Variants in AIM2 observed in about 807,000 individuals in gnomAD.
AIM2 encodes absent in melanoma 2, also known as interferon-inducible protein AIM2.
AIM2 carries 30 observed loss-of-function variants against 27.7 expected under a neutral mutation model. The observed-to-expected ratio is 1.08, with a 90% CI of 0.81 to 1.47. AIM2 has a LOEUF of 1.47. Among genes scored for constraint, AIM2 ranks in the 40% most tolerant of loss-of-function variants. The pLI, the probability that AIM2 is intolerant of heterozygous loss-of-function variation, is 0.00. For synonymous variants in AIM2, 141 were observed against 145.3 expected (o/e 0.97, Z 0.21); for missense variants, 358 against 411.3 (o/e 0.87, Z 1.12).
Position 159,073,488 on chromosome 1 carries a change from T to G in AIM2, c.12A>C (p.Lys4Asn). The G allele has an allele frequency of 1.2e-6, 2 of 1,613,772 alleles. No individual in the cohort carries two copies. The highest frequency in any genetic ancestry group is 1.7e-6 in the Non-Finnish European group (2 of 1,179,768). The stretch of plus-strand genomic sequence containing the variant: ...CTGTTAGCAAGAGTATCTCCTTGTA[T>G]TTACTCTCCATCTGACAACTTTGGG... MES[K>N]YKEILLLTGL... Residue 4 changes from lysine (K) to asparagine (N), a missense_variant, in exon 2 of 6, where the codon AAA (lysine) becomes AAC (asparagine). Lys to Asn is a moderately conservative substitution (Grantham distance 94). Transcript: ENST00000368130.
At chr1:159,085,950 ATTAACT>A (rs944826843) in intron 1 of AIM2, among the ~76,000 whole-genome samples, 24 of 152,356 alleles carry the variant, frequency 1.6e-4, no homozygotes, top group African/African-American at 5.8e-4. Flanking sequence ...AGACATGTTT[ATTAACT>A]TTATCATTTC....
chr1:159,098,834 C>T (rs544130298), intron 1 of AIM2, among the ~76,000 whole-genome samples: 6 of 152,038 alleles, frequency 3.9e-5, no homozygotes, highest in South Asian at 2.1e-4. Flanking sequence ...GGAGCTTTAG[C>T]GGAGGAAGAT....
chr1:159,080,619 G>A (rs867223529), upstream of AIM2, among the ~76,000 whole-genome samples: 2 of 152,070 alleles, frequency 1.3e-5, no homozygotes, highest in Admixed American at 6.6e-5. Context: ...TGAAAAATAC[G>A]GATTTTAGGC....
At chr1:159,140,870 A>G (rs1419950742), upstream of AIM2, among the ~76,000 whole-genome samples, 1 of 152,224 alleles carries the variant, frequency 6.6e-6, no homozygotes, top group South Asian at 2.1e-4. Flanking sequence ...ATTCAGATAC[A>G]ACACTTGAAG....
At chr1:159,105,710 G>A (rs1283874825) in intron 1 of AIM2, among the ~76,000 whole-genome samples, 1 of 152,178 alleles carries the variant, frequency 6.6e-6, no homozygotes, top group African/African-American at 2.4e-5. Flanking sequence ...CCCGAATTGG[G>A]TAGCTCCTTC....
At chr1:159,073,633 T>A in intron 1 of AIM2, 114 bp from the exon 2 acceptor site, 1 of 1,091,606 alleles carries the variant, frequency 9.2e-7, no homozygotes, top group Non-Finnish European at 1.3e-6. Flanking sequence ...TTTGCAGTAG[T>A]AAAAGAGATT....
At chr1:159,058,627 G>A (rs144448869), downstream of AIM2, among the ~76,000 whole-genome samples, 2,688 of 152,230 alleles carry the variant, frequency 0.018, 41 homozygotes, top group Admixed American at 0.028. Context: ...TCAGAAGTCT[G>A]AGGATGAAAG....
At chr1:159,115,829 A>C (rs1647326135) in intron 1 of AIM2, among the ~76,000 whole-genome samples, 13 of 152,144 alleles carry the variant, frequency 8.5e-5, no homozygotes, top group Admixed American at 8.5e-4. Flanking sequence ...AAAATTGACA[A>C]ATGGGATCTA....
At chr1:159,132,550 C>A (rs374685537) in intron 1 of AIM2, among the ~76,000 whole-genome samples, 1 of 152,114 alleles carries the variant, frequency 6.6e-6, no homozygotes. Flanking sequence ...GAATTAAAAT[C>A]ATCTCTTTTG....
rs569738840 is a variant in AIM2 at position 159,114,035 on chromosome 1, G to A, written c.-16+26396C>T. Among the ~76,000 whole-genome samples, 178 of 152,230 alleles carry A rather than the reference G, an allele frequency of 1.2e-3. 1 individual carries two copies. Among genetic ancestry groups the A allele is most frequent in the Non-Finnish European group, 1.1e-3 (75 of 68,014 alleles). ...CTGACAAGCCTGAACAGTTTTTCTC[G>A]TATTAGCTTGAGAGTTCAGCCAAAG... On this transcript the variant is annotated intron_variant, in intron 1 of 2. Transcript: ENST00000368129.
intron 2 of AIM2, among the ~76,000 whole-genome samples, chr1:159,072,593 G>A (rs958527612): frequency 2.6e-5 from 4 of 152,204 alleles, no homozygotes; most frequent in African/African-American, 4.8e-5. Context: ...TTCAGATGGA[G>A]ATGAGTGATT....
chr1:159,108,749 C>T lies in AIM2; in HGVS notation c.-16+31682G>A, dbSNP rs552597907. ...CAGTAGCTTTTCTATACATCAACAG[C>T]GTCCGAGCTGAGAATCAAATCAAGA... On this transcript the variant is annotated intron_variant, in intron 1 of 2. Coordinates refer to the AIM2 transcript ENST00000368129. 3.3e-5 allele frequency among the ~76,000 whole-genome samples: 5 copies of T among 152,080 alleles called. No homozygotes were observed. In the East Asian group the frequency reaches 5.8e-4, roughly 18 times the overall value.
At chr1:159,126,261 C>T (rs1180265881) in intron 1 of AIM2, among the ~76,000 whole-genome samples, 1 of 152,222 alleles carries the variant, frequency 6.6e-6, no homozygotes. Flanking sequence ...ATTTCCTGCA[C>T]TGTGGCCACT....
chr1:159,129,213 C>T (rs933805252), intron 1 of AIM2, among the ~76,000 whole-genome samples: 1 of 152,114 alleles, frequency 6.6e-6, no homozygotes, highest in African/African-American at 2.4e-5. Flanking sequence ...AGTATGCAGA[C>T]CCAAGCTAAG....
chr1:159,106,904 G>A (rs1478795531), intron 1 of AIM2, among the ~76,000 whole-genome samples: 3 of 152,226 alleles, frequency 2.0e-5, no homozygotes, highest in Non-Finnish European at 4.4e-5. Context: ...GCAGGGTAGA[G>A]AGAGGTCTGT....
chr1:159,112,934 C>CATATATATATATATATATATATATATAT (rs71659252), intron 1 of AIM2, among the ~76,000 whole-genome samples: 2 of 146,504 alleles, frequency 1.4e-5, no homozygotes, highest in African/African-American at 5.1e-5. Context: ...TATATACATA[C>CATATATATATATATATATATATATATAT]ATATATATAT....
chr1:159,093,042 A>T (rs1657083591), intron 1 of AIM2, among the ~76,000 whole-genome samples: 1 of 150,210 alleles, frequency 6.7e-6, no homozygotes, highest in African/African-American at 2.4e-5. Flanking sequence ...AATAAATAAA[A>T]ATAAATAAAT....
chr1:159,056,105 G>C, the AIM2 span, among the ~76,000 whole-genome samples: 1 of 152,202 alleles, frequency 6.6e-6, no homozygotes, highest in African/African-American at 2.4e-5. Context: ...ATGGGGCCAT[G>C]AAAAGTTAGG....
chr1:159,059,984 T>C (rs142688732), downstream of AIM2, among the ~76,000 whole-genome samples: 11 of 152,230 alleles, frequency 7.2e-5, no homozygotes, highest in African/African-American at 2.2e-4. Context: ...CCAGAGAGGA[T>C]AGAACAACTC....
Sources: allele counts gnomAD v4.1 joint callset (sites outside exome capture counted in the v4.1 genomes callset), GRCh38; gene constraint gnomAD v4.1.1; transcripts MANE v1.5; gene names NCBI Gene and HGNC (gene_info 2026-07-23, HGNC 2026-07-21).